ABHD12: variants seen among roughly 807,000 people sequenced by gnomAD.
ABHD12 encodes abhydrolase domain containing 12, lysophospholipase.
A neutral mutation model predicts 58.3 loss-of-function variants in ABHD12; 43 were observed. The ratio of observed to expected loss-of-function variants is 0.74; its 90% CI spans 0.58 to 0.95. The LOEUF (loss-of-function observed/expected upper bound fraction) is 0.95, where lower values mean the gene tolerates loss of function less well. Among genes scored for constraint, ABHD12 ranks in the 40% least tolerant of loss-of-function variants. The pLI is 0.00. For missense variants in ABHD12, 539 were observed against 537.2 expected (o/e 1.00, Z -0.03); for synonymous variants, 219 against 211.2 (o/e 1.04, Z -0.32).
At chr20:25,380,430 T>C (rs575365919) in intron 1 of ABHD12, among the ~76,000 whole-genome samples, 1 of 152,290 alleles carries the variant, frequency 6.6e-6, no homozygotes, top group African/African-American at 2.4e-5. Context: ...TATTTATTTA[T>C]TTTTTGATAT....
intron 1 of ABHD12, among the ~76,000 whole-genome samples, chr20:25,383,013 T>G (rs76740246): frequency 6.6e-6 from 1 of 152,078 alleles, no homozygotes; most frequent in East Asian, 1.9e-4. Context: ...CAGACTGTAC[T>G]GAGGGTGGAG....
chr20:25,317,093 A>G lies in ABHD12; in HGVS notation c.543-15T>C, dbSNP rs1379331272. ...GGTCGCCTCCTCTGGAGAAGAAAAC[A>G]GGACATGGTGTGAGCACATCTTCTC... is the stretch of plus-strand genomic sequence containing the variant. On this transcript the variant is annotated splice_polypyrimidine_tract_variant and intron_variant, in intron 4 of 12. Transcript: ENST00000339157. The G allele has an allele frequency of 6.2e-7, 1 of 1,608,380 alleles. No homozygotes were observed. Among genetic ancestry groups the G allele is most frequent in the Non-Finnish European group, 8.5e-7 (1 of 1,175,722 alleles).
rs2146162445 is a variant in ABHD12, at chr20:25,390,692, C to A, written c.12G>T (p.Arg4=). 7.1e-7 allele frequency: 1 copy of A among 1,401,124 alleles called. No individual in the cohort carries two copies. The allele number at this position is 1,401,124 out of a possible 1,614,324, so 86.8% of individuals were successfully genotyped here. MRK[R]TEPVALEHER... ...CATGCTCCAAGGCGACGGGCTCGGTCCGCTTCCTCATCCCGCGGCCGACAG... is the reference window on the plus strand; with the variant it reads ...CATGCTCCAAGGCGACGGGCTCGGTACGCTTCCTCATCCCGCGGCCGACAG... The change falls in exon 1 of 13, where the codon CGG becomes CGT. Residue 4 remains arginine, a synonymous_variant. Transcript: ENST00000339157.
At chr20:25,387,705 G>A (rs1400818785) in intron 1 of ABHD12, among the ~76,000 whole-genome samples, 1 of 151,524 alleles carries the variant, frequency 6.6e-6, no homozygotes, top group Non-Finnish European at 1.5e-5. Flanking sequence ...ATGCCACTGT[G>A]CTCCAGCCTG....
chr20:25,339,503 C>T, intron 1 of ABHD12, 152 bp from the exon 2 acceptor site: 4 of 1,391,722 alleles, frequency 2.9e-6, no homozygotes, highest in South Asian at 1.2e-5. Context: ...CTCCCACCTG[C>T]CTTCACTCAA....
intron 6 of ABHD12, among the ~76,000 whole-genome samples, chr20:25,310,774 G>T (rs2088834832): frequency 1.3e-5 from 2 of 152,170 alleles, no homozygotes; most frequent in Non-Finnish European, 2.9e-5. Flanking sequence ...GGGACAGGAG[G>T]CAGAAGGATG....
At chr20:25,307,153 A>G (rs368386924) in intron 9 of ABHD12, among the ~76,000 whole-genome samples, 4 of 152,310 alleles carry the variant, frequency 2.6e-5, no homozygotes, top group Admixed American at 1.3e-4. Context: ...GGCCCCACAG[A>G]CTGGCATGGC....
At chr20:25,301,970 C>G (rs936219618) in intron 12 of ABHD12, among the ~76,000 whole-genome samples, 7 of 152,230 alleles carry the variant, frequency 4.6e-5, no homozygotes, top group African/African-American at 1.7e-4. Flanking sequence ...TGTGCCCCCC[C>G]GTGTGGGTCT....
chr20:25,377,939 G>A (rs1222092433), intron 1 of ABHD12, among the ~76,000 whole-genome samples: 1 of 151,986 alleles, frequency 6.6e-6, no homozygotes, highest in Non-Finnish European at 1.5e-5. Context: ...CTCGTGTTCC[G>A]CCCACCTCAG....
chr20:25,362,618 C>CAGGGG (rs1216892547), intron 1 of ABHD12, among the ~76,000 whole-genome samples: 3 of 43,854 alleles, frequency 6.8e-5, no homozygotes, highest in East Asian at 1.5e-3. Flanking sequence ...GAGGGAAGGA[C>CAGGGG]AGGGGAGGGG....
intron 2 of ABHD12, among the ~76,000 whole-genome samples, chr20:25,332,100 G>C (rs1369668129): frequency 6.6e-6 from 1 of 152,042 alleles, no homozygotes; most frequent in African/African-American, 2.4e-5. Flanking sequence ...AAAATAAAAG[G>C]ATGGAGGAAG....
In ABHD12 at chr20:25,339,322, T is replaced by C; in HGVS notation, c.221A>G (p.Lys74Arg). Reference protein sequence around the residue: ...RRKGVWLRLRKILFCVLGLYI... With the variant: ...RRKGVWLRLRRILFCVLGLYI... ...CAACCCCAAAACACAGAAAAGTATC[T>C]TCCTCAGGCGCAACCACACGCCCTT... Residue 74 changes from lysine to arginine, a missense_variant, in exon 2 of 13, where the codon AAG becomes AGG. Lys to Arg is a conservative substitution (Grantham distance 26). Transcript: ENST00000339157. 6.2e-7 allele frequency: 1 copy of C among 1,614,128 alleles called. No individual in the cohort carries two copies.
At chr20:25,390,328 G>C (rs2090153130) in intron 1 of ABHD12, among the ~76,000 whole-genome samples, 185 bp downstream of exon 1, 1 of 152,120 alleles carries the variant, frequency 6.6e-6, no homozygotes, top group African/African-American at 2.4e-5. Context: ...GGTGCCTGGG[G>C]AAGGGAGCGG....
intron 2 of ABHD12, among the ~76,000 whole-genome samples, chr20:25,329,921 C>T (rs1417478074): frequency 6.6e-6 from 1 of 152,204 alleles, no homozygotes; most frequent in African/African-American, 2.4e-5. Context: ...TGGCCCTTTG[C>T]TTTAAAAACA....
At chr20:25,348,268 C>T (rs889328434) in intron 1 of ABHD12, among the ~76,000 whole-genome samples, 2 of 151,366 alleles carry the variant, frequency 1.3e-5, no homozygotes, top group East Asian at 1.9e-4. Context: ...GCTAGTTCTT[C>T]GAGAAAAGGC....
intron 11 of ABHD12, 149 bp downstream of exon 11, chr20:25,303,401 T>C (rs2088674084): frequency 6.6e-7 from 1 of 1,523,318 alleles, no homozygotes; most frequent in African/African-American, 1.4e-5. Flanking sequence ...GAGGATGAGG[T>C]GGCCTCCTGA....
intron 1 of ABHD12, among the ~76,000 whole-genome samples, chr20:25,382,650 C>T (rs1414911276): frequency 6.6e-6 from 1 of 152,284 alleles, no homozygotes; most frequent in South Asian, 2.1e-4. Flanking sequence ...TTCCATGCCT[C>T]TCTCCAAGGC....
intron 1 of ABHD12, 74 bp downstream of exon 1, chr20:25,390,439 G>T: frequency 7.7e-7 from 1 of 1,306,060 alleles, no homozygotes; most frequent in Non-Finnish European, 9.7e-7. Flanking sequence ...AGGTACCGCG[G>T]CCCCCTGCGG....
chr20:25,380,273 T>G (rs2090007101), intron 1 of ABHD12, among the ~76,000 whole-genome samples: 1 of 152,180 alleles, frequency 6.6e-6, no homozygotes, highest in African/African-American at 2.4e-5. Flanking sequence ...CTTTTGTTGT[T>G]TTTTTGAGAT....
Sources: allele counts gnomAD v4.1 joint callset (sites outside exome capture counted in the v4.1 genomes callset), GRCh38; gene constraint gnomAD v4.1.1; transcripts MANE v1.5; gene names NCBI Gene and HGNC (gene_info 2026-07-23, HGNC 2026-07-21).